RPTOR: variants seen among roughly 807,000 people sequenced by gnomAD.
RPTOR encodes regulatory associated protein of MTOR complex 1, also known as regulatory-associated protein of mTOR.
Under a neutral mutation model 169.9 loss-of-function variants are expected in RPTOR, and 21 were observed. The observed-to-expected ratio is 0.12, with a 90% CI of 0.09 to 0.18. The LOEUF (loss-of-function observed/expected upper bound fraction) is 0.18. Ranked by LOEUF, RPTOR falls within the 10% of genes least tolerant of loss-of-function variation. The pLI is 1.00. For missense variants in RPTOR, 1,133 were observed against 1,855.9 expected, an observed-to-expected ratio of 0.61 and a Z score of 7.16; for synonymous variants, 732 against 753.2, an observed-to-expected ratio of 0.97 and a Z score of 0.46.
chr17:80,891,584 G>T (rs779317016), intron 17 of RPTOR, 136 bp from the exon 18 acceptor site: 53 of 671,920 alleles, frequency 7.9e-5, no homozygotes, highest in Non-Finnish European at 1.2e-4. Flanking sequence ...GAAAAGGGAT[G>T]GTCCCTGTTT....
intron 6 of RPTOR, among the ~76,000 whole-genome samples, chr17:80,758,502 G>A (rs1437931866): frequency 6.6e-6 from 1 of 152,150 alleles, no homozygotes; most frequent in Non-Finnish European, 1.5e-5. Context: ...TTTAGAAAGA[G>A]GATCCAAGTG....
chr17:80,812,605 G>A (rs1279591312), intron 7 of RPTOR, among the ~76,000 whole-genome samples: 1 of 152,154 alleles, frequency 6.6e-6, no homozygotes, highest in African/African-American at 2.4e-5. Context: ...GGAGTTGCCA[G>A]ATGCTTCCAA....
At chr17:80,766,747 G>A (rs2066791447) in intron 6 of RPTOR, among the ~76,000 whole-genome samples, 1 of 152,002 alleles carries the variant, frequency 6.6e-6, no homozygotes, top group Non-Finnish European at 1.5e-5. Context: ...TCATGTACCG[G>A]CAATAATTGA....
intron 6 of RPTOR, among the ~76,000 whole-genome samples, chr17:80,786,427 G>A (rs575555330): frequency 9.9e-5 from 15 of 152,182 alleles, no homozygotes; most frequent in African/African-American, 2.9e-4. Context: ...CAAGGTTACC[G>A]AGCTGAACAT....
At position 80,657,034 on chromosome 17, in the gene RPTOR, C is replaced by T. The variant is rs139125535; in HGVS notation, c.348+13224C>T. ...ATTTTAATCCAATTTCTCAGCGTTTCGTCATTTGAAGAATAGAAGTCTCTT... is the reference window on the plus strand; with the variant it reads ...ATTTTAATCCAATTTCTCAGCGTTTTGTCATTTGAAGAATAGAAGTCTCTT... On this transcript the variant is annotated intron_variant, in intron 3 of 33. Transcript: ENST00000306801. Among the ~76,000 whole-genome samples, 469 of 152,320 alleles carry T rather than the reference C, an allele frequency of 3.1e-3. 2 individuals carry two copies. Among genetic ancestry groups the T allele is most frequent in the African/African-American group, 0.011 (452 of 41,578 alleles).
At chr17:80,729,020 AC>A (rs1268725416) in intron 4 of RPTOR, among the ~76,000 whole-genome samples, 1 of 152,168 alleles carries the variant, frequency 6.6e-6, no homozygotes, top group East Asian at 1.9e-4. Context: ...GTGTCTCCAC[AC>A]ACCCCCCACA....
intron 28 of RPTOR, among the ~76,000 whole-genome samples, chr17:80,951,055 A>AC (rs759961088): frequency 2.7e-5 from 4 of 150,196 alleles, no homozygotes; most frequent in Admixed American, 6.6e-5. Flanking sequence ...GGTCCATGAG[A>AC]CCCCCCTAGA....
intron 1 of RPTOR, among the ~76,000 whole-genome samples, chr17:80,558,412 G>T (rs1353830580): frequency 1.3e-5 from 2 of 152,178 alleles, no homozygotes; most frequent in African/African-American, 4.8e-5. Flanking sequence ...GACAGTCGCC[G>T]AGAACAAGTT....
chr17:80,863,116 G>T (rs1325759314), intron 13 of RPTOR, among the ~76,000 whole-genome samples: 1 of 152,176 alleles, frequency 6.6e-6, no homozygotes, highest in Non-Finnish European at 1.5e-5. Flanking sequence ...AAGAAAAGAC[G>T]GAAGAACACC....
rs895930936 is a variant in RPTOR, at chr17:80,947,524, C to T, written c.3265+173C>T. Among the ~76,000 whole-genome samples the T allele has an allele frequency of 6.6e-6, 1 of 152,162 alleles. No homozygotes were observed. The highest frequency in any genetic ancestry group is 1.5e-5 in the Non-Finnish European group (1 of 68,024). ...TTTATGAGGGAAAGGGCTTCAGCAG[C>T]AGAGACAGGAAAGCAAAGATGACCC... On this transcript the variant is annotated intron_variant, in intron 27 of 33. Transcript: ENST00000306801. This position sits in a 1 kb window ranked among gnomAD's most constrained non-coding sequence, Gnocchi z 4.4.
chr17:80,916,495 T>C (rs552565862), intron 21 of RPTOR, among the ~76,000 whole-genome samples: 166 of 152,352 alleles, frequency 1.1e-3, no homozygotes, highest in African/African-American at 3.5e-3. Context: ...TGCGCCTGGC[T>C]TGCCTTTGGC....
At chr17:80,706,644 C>G (rs941564733) in intron 3 of RPTOR, among the ~76,000 whole-genome samples, 2 of 152,192 alleles carry the variant, frequency 1.3e-5, no homozygotes, top group Non-Finnish European at 2.9e-5. Flanking sequence ...ATGAGAGGCC[C>G]TAGGGGAGCC....
intron 1 of RPTOR, among the ~76,000 whole-genome samples, chr17:80,575,565 T>G (rs1325060844): frequency 6.6e-6 from 1 of 152,186 alleles, no homozygotes; most frequent in African/African-American, 2.4e-5. Context: ...CACCGCTGTG[T>G]GCACACGTGT....
rs1392988739 is a variant in RPTOR at position 80,903,383 on chromosome 17, G to A, written c.2402-5428G>A. Among the ~76,000 whole-genome samples, 3 of 152,216 alleles carry A rather than the reference G, an allele frequency of 2.0e-5. No homozygotes were observed. The East Asian group carries it at 5.8e-4, about 29-fold the overall frequency. ...AGGAAAGAGGAGCCCGGAGACCCGA[G>A]CCCAGAAACTGGGGCACTGCCCGGC... is the stretch of plus-strand genomic sequence containing the variant. On this transcript the variant is annotated intron_variant, in intron 20 of 33. Transcript: ENST00000306801.
intron 9 of RPTOR, among the ~76,000 whole-genome samples, chr17:80,834,644 G>A (rs932612435): frequency 6.6e-6 from 1 of 152,254 alleles, no homozygotes; most frequent in African/African-American, 2.4e-5. Context: ...GAGAGAGATT[G>A]TCACCCGTGG....
Position 80,965,550 on chromosome 17 carries a change from C to G in RPTOR, c.*1220C>G, listed in dbSNP as rs1045595. 5,091 of 233,350 alleles carry G rather than the reference C, an allele frequency of 0.022. 270 individuals are homozygous for G. The highest frequency in any genetic ancestry group is 0.1 in the African/African-American group (4,771 of 45,464). The allele number at this position is 233,350 out of a possible 1,614,324, so 14.5% of individuals were successfully genotyped here. A position where few individuals can be genotyped will look rare whatever the true frequency, so the allele number is the denominator to read the frequency against. Reference sequence around the variant, plus strand: ...TGAAAAGTGTTCTTTCCGTGTTCGTCGGGAATCAGGATTATTGAGAGGTGA... The same window carrying G: ...TGAAAAGTGTTCTTTCCGTGTTCGTGGGGAATCAGGATTATTGAGAGGTGA... On this transcript the variant is annotated 3_prime_UTR_variant, in exon 34 of 34. Coordinates refer to ENST00000306801, the MANE Select transcript of RPTOR (RefSeq NM_020761.3).
At chr17:80,886,461 C>A (rs540904996) in intron 17 of RPTOR, among the ~76,000 whole-genome samples, 2 of 152,338 alleles carry the variant, frequency 1.3e-5, no homozygotes, top group Admixed American at 1.3e-4. Flanking sequence ...CTGCTGAATT[C>A]TTTTTCCCAC....
intron 3 of RPTOR, among the ~76,000 whole-genome samples, chr17:80,650,881 T>A (rs1242143658): frequency 2.0e-5 from 3 of 152,208 alleles, no homozygotes; most frequent in Non-Finnish European, 4.4e-5. Context: ...ACTCTTCCTC[T>A]ATTAATTGAC....
rs553161292 is a variant in RPTOR at position 80,846,198 on chromosome 17, C to G, written c.1213-275C>G. The stretch of plus-strand genomic sequence containing the variant: ...TCCACAGCTGGTTCCCAGCACGCTC[C>G]TCTTGCGGCCCCAGCTCGGTGCCCT... On this transcript the variant is annotated intron_variant, in intron 10 of 33. Coordinates refer to ENST00000306801, the MANE Select transcript of RPTOR (RefSeq NM_020761.3). 4.6e-5 allele frequency among the ~76,000 whole-genome samples: 7 copies of G among 152,400 alleles called. No homozygotes were observed. In the East Asian group the frequency reaches 9.6e-4, roughly 21 times the overall value.
Sources: allele counts gnomAD v4.1 joint callset (sites outside exome capture counted in the v4.1 genomes callset), GRCh38; gene constraint gnomAD v4.1.1; non-coding constraint Gnocchi (gnomAD v3.1); transcripts MANE v1.5; gene names NCBI Gene and HGNC (gene_info 2026-07-23, HGNC 2026-07-21).